Variants in STPG2 observed in about 807,000 individuals in gnomAD.
The protein encoded by STPG2 is sperm-tail PG-rich repeat-containing protein 2.
STPG2 carries 56 observed loss-of-function variants against 54.2 expected under a neutral mutation model. That is an observed-to-expected ratio of 1.03 (90% CI 0.83 to 1.29). The LOEUF (loss-of-function observed/expected upper bound fraction) is 1.29. Among genes scored for constraint, STPG2 ranks in the 50% most tolerant of loss-of-function variants. The probability of loss-of-function intolerance (pLI) is 0.00; values close to 1 mark genes in which losing one functional copy is unlikely to be tolerated. For missense variants in STPG2, 596 were observed against 544.9 expected (o/e 1.09, Z -0.93); for synonymous variants, 200 against 181.8 (o/e 1.10, Z -0.81).
At chr4:97,649,883 T>C (rs1400700470) in intron 10 of STPG2, among the ~76,000 whole-genome samples, 5 of 152,130 alleles carry the variant, frequency 3.3e-5, no homozygotes, top group Admixed American at 1.3e-4. Context: ...ACTTTAATTC[T>C]ATTATTATTA....
chr4:97,548,193 A>G (rs1328619047), intron 4 of STPG2, among the ~76,000 whole-genome samples: 4 of 152,144 alleles, frequency 2.6e-5, no homozygotes, highest in Non-Finnish European at 5.9e-5. Context: ...TAGTCTGCAC[A>G]GACTCCTCGT....
chr4:97,547,908 C>T (rs1273454937), intron 4 of STPG2, among the ~76,000 whole-genome samples: 7 of 151,998 alleles, frequency 4.6e-5, no homozygotes, highest in African/African-American at 1.7e-4. Context: ...CCCAGCACTT[C>T]GGGAGGCTGA....
At chr4:97,911,550 C>T (rs1205535993) in intron 8 of STPG2, among the ~76,000 whole-genome samples, 1 of 152,218 alleles carries the variant, frequency 6.6e-6, no homozygotes, top group South Asian at 2.1e-4. Context: ...CCCCACAACA[C>T]AGCACAGCTG....
At chr4:97,851,641 G>C (rs1347623452) in intron 8 of STPG2, among the ~76,000 whole-genome samples, 1 of 152,086 alleles carries the variant, frequency 6.6e-6, no homozygotes, top group African/African-American at 2.4e-5. Context: ...AAACGATATA[G>C]AAGTAGAAAT....
intron 8 of STPG2, among the ~76,000 whole-genome samples, chr4:97,898,420 C>G (rs1388685510): frequency 6.6e-6 from 1 of 151,706 alleles, no homozygotes; most frequent in Non-Finnish European, 1.5e-5. Flanking sequence ...AAAAATCCTT[C>G]ACTTCATTTT....
chr4:97,765,463 A>T (rs1365790386), intron 9 of STPG2, among the ~76,000 whole-genome samples: 1 of 152,118 alleles, frequency 6.6e-6, no homozygotes, highest in East Asian at 1.9e-4. Context: ...AGATTTGGAC[A>T]TGTGATTTGC....
intron 9 of STPG2, among the ~76,000 whole-genome samples, chr4:97,732,007 G>A (rs1300303841): frequency 6.6e-6 from 1 of 152,172 alleles, no homozygotes; most frequent in East Asian, 1.9e-4. Flanking sequence ...AGCCAGGCAG[G>A]GTCCTTGGGA....
intron 5 of STPG2, among the ~76,000 whole-genome samples, chr4:98,043,940 T>C (rs1214403356): frequency 6.6e-6 from 1 of 151,940 alleles, no homozygotes; most frequent in Non-Finnish European, 1.5e-5. Flanking sequence ...CACCCTCAAG[T>C]AGGCCCCAGT....
chr4:97,536,308 G>A (rs906222647), intron 4 of STPG2, among the ~76,000 whole-genome samples: 6 of 152,114 alleles, frequency 3.9e-5, no homozygotes, highest in Non-Finnish European at 8.8e-5. Context: ...TCAAGGGAGG[G>A]AGCTGGTGGG....
At chr4:97,449,975 A>G (rs1729324029) in intron 4 of STPG2, among the ~76,000 whole-genome samples, 1 of 152,180 alleles carries the variant, frequency 6.6e-6, no homozygotes, top group African/African-American at 2.4e-5. Context: ...TTGAAGATAT[A>G]TTGTAAAAAG....
chr4:97,991,346 G>A (rs531260304), intron 5 of STPG2, among the ~76,000 whole-genome samples: 152 of 149,732 alleles, frequency 1.0e-3, no homozygotes, highest in African/African-American at 3.5e-3. Context: ...ATATATGTGT[G>A]TATATATGTG....
chr4:98,021,768 G>A (rs1380536672), intron 5 of STPG2, among the ~76,000 whole-genome samples: 2 of 151,860 alleles, frequency 1.3e-5, no homozygotes, highest in Non-Finnish European at 2.9e-5. Context: ...TTACCATTAT[G>A]TAATGGCCTT....
intron 9 of STPG2, among the ~76,000 whole-genome samples, chr4:97,714,937 C>A (rs1020403254): frequency 1.3e-5 from 2 of 152,056 alleles, no homozygotes; most frequent in Non-Finnish European, 2.9e-5. Flanking sequence ...TACCATCAGG[C>A]TACAGCAACT....
At chr4:98,097,615 A>G (rs1234129814) in intron 5 of STPG2, among the ~76,000 whole-genome samples, 1 of 152,166 alleles carries the variant, frequency 6.6e-6, no homozygotes, top group Non-Finnish European at 1.5e-5. Context: ...TAGTACTAGA[A>G]GTCCTAGCTA....
chr4:97,924,827 C>A (rs919104750), intron 8 of STPG2, among the ~76,000 whole-genome samples: 7 of 152,102 alleles, frequency 4.6e-5, no homozygotes, highest in African/African-American at 1.7e-4. Context: ...AAAGTCCTGG[C>A]TAATCATCTC....
At chr4:97,782,409 C>G (rs1053121399) in intron 9 of STPG2, among the ~76,000 whole-genome samples, 1 of 152,158 alleles carries the variant, frequency 6.6e-6, no homozygotes, top group African/African-American at 2.4e-5. Flanking sequence ...CTACAAACCA[C>G]TGCTCAACGA....
At chr4:97,699,375 G>A (rs916405700) in intron 10 of STPG2, among the ~76,000 whole-genome samples, 3 of 152,160 alleles carry the variant, frequency 2.0e-5, no homozygotes, top group African/African-American at 4.8e-5. Flanking sequence ...CTCCTCTGTC[G>A]AGGTCACCCA....
At chr4:97,520,976 A>C (rs1385719040) in intron 4 of STPG2, among the ~76,000 whole-genome samples, 1 of 152,156 alleles carries the variant, frequency 6.6e-6, no homozygotes, top group South Asian at 2.1e-4. Flanking sequence ...ATTTTTCTTT[A>C]AAACAAAGGA....
In STPG2 at chr4:97,910,768, G is replaced by A. The variant is rs140623360; in HGVS notation, c.1044+33129C>T. 4.6e-3 allele frequency among the ~76,000 whole-genome samples: 702 copies of A among 152,262 alleles called. 4 individuals are homozygous for A. The highest frequency in any genetic ancestry group is 7.8e-3 in the Non-Finnish European group (530 of 68,028). ...CACCAAGATGGAACAAATGCTAGAA[G>A]TATCTGACAAGACATTTAAAGCAGG... On this transcript the variant is annotated intron_variant, in intron 8 of 10. Transcript: ENST00000295268.
Sources: gnomAD v4.1 joint callset for allele counts (sites outside exome capture counted in the v4.1 genomes callset) on GRCh38, gnomAD v4.1.1 for gene constraint, MANE v1.5 for transcripts, NCBI Gene and HGNC (gene_info 2026-07-23, HGNC 2026-07-21) for gene names.